ARID3A: variants seen among roughly 807,000 people sequenced by gnomAD.
ARID3A encodes AT-rich interaction domain 3A, also known as AT-rich interactive domain-containing protein 3A.
In ARID3A, 11 loss-of-function variants were observed where a neutral mutation model predicts 52.7. That is an observed-to-expected ratio of 0.21 (90% confidence interval 0.13 to 0.35). The LOEUF (loss-of-function observed/expected upper bound fraction) is 0.35. ARID3A is among the 10% of genes least tolerant of loss of function. The pLI, the probability that ARID3A is intolerant of heterozygous loss-of-function variation, is 1.00. For missense variants in ARID3A, 721 were observed against 838.5 expected, an observed-to-expected ratio of 0.86 and a Z score of 1.73; for synonymous variants, 404 against 359.4, an observed-to-expected ratio of 1.12 and a Z score of -1.40.
rs553313175 is a variant in ARID3A at position 947,318 on chromosome 19, G to C, written c.694-12774G>C. ...GGGACTGCGGGCCCCAGATTTCCAC[G>C]TCATATCTCGCCGCCATGGGGCTGC... On this transcript the variant is annotated intron_variant, in intron 3 of 8. Transcript: ENST00000263620. This position sits in a 1 kb window ranked among gnomAD's most constrained non-coding sequence, Gnocchi z 6.3. 6.6e-6 allele frequency among the ~76,000 whole-genome samples: 1 copy of C among 152,132 alleles called. No homozygotes were observed. Among genetic ancestry groups the C allele is most frequent in the Non-Finnish European group, 1.5e-5 (1 of 68,022 alleles).
chr19:962,145 C>T (rs950804396), intron 4 of ARID3A, among the ~76,000 whole-genome samples: 13 of 152,194 alleles, frequency 8.5e-5, no homozygotes, highest in African/African-American at 3.1e-4. Flanking sequence ...AATGGGGGCC[C>T]TTGGAGCTGA....
At chr19:926,761 C>G (rs2037208631) in intron 1 of ARID3A, among the ~76,000 whole-genome samples, 2 of 151,682 alleles carry the variant, frequency 1.3e-5, no homozygotes. Context: ...CAGGGCCCCC[C>G]AGACACAAAA....
intron 8 of ARID3A, among the ~76,000 whole-genome samples, chr19:970,841 C>T (rs1390246034): frequency 6.6e-6 from 1 of 152,076 alleles, no homozygotes; most frequent in African/African-American, 2.4e-5. Context: ...GTGGCGCTGT[C>T]GACACAGAGC....
chr19:963,179 C>G (rs2038079177), intron 4 of ARID3A, among the ~76,000 whole-genome samples: 1 of 152,206 alleles, frequency 6.6e-6, no homozygotes, highest in African/African-American at 2.4e-5. Context: ...AGTCACATCC[C>G]AGAACCTCGA....
intron 3 of ARID3A, among the ~76,000 whole-genome samples, chr19:933,487 G>T (rs350150): frequency 6.6e-6 from 1 of 152,034 alleles, no homozygotes; most frequent in Non-Finnish European, 1.5e-5. Flanking sequence ...GCTCTGCCTC[G>T]ACCTCTGGGC....
chr19:943,503 G>A (rs1301316953), intron 3 of ARID3A, among the ~76,000 whole-genome samples: 1 of 152,096 alleles, frequency 6.6e-6, no homozygotes, highest in Admixed American at 6.5e-5. Context: ...AGGAGGCGGA[G>A]GCTGCAGTGA....
chr19:935,552 A>C (rs2037421552), intron 3 of ARID3A, among the ~76,000 whole-genome samples: 1 of 152,048 alleles, frequency 6.6e-6, no homozygotes, highest in South Asian at 2.1e-4. Context: ...GTCCTAACTC[A>C]CTGCAGCCTC....
intron 3 of ARID3A, among the ~76,000 whole-genome samples, chr19:946,284 CAG>C (rs35912645): frequency 0.035 from 5,247 of 151,994 alleles, 166 homozygotes; most frequent in East Asian, 0.18. Flanking sequence ...ATTTATGAGA[CAG>C]AGTCTTGCTT....
chr19:962,929 G>A (rs1164484752), intron 4 of ARID3A, among the ~76,000 whole-genome samples: 6 of 152,198 alleles, frequency 3.9e-5, no homozygotes, highest in African/African-American at 4.8e-5. Context: ...AACCCGGCGC[G>A]GCTCCTCTCG....
intron 3 of ARID3A, among the ~76,000 whole-genome samples, chr19:955,962 C>G (rs984188983): frequency 6.6e-6 from 1 of 152,154 alleles, no homozygotes; most frequent in African/African-American, 2.4e-5. Flanking sequence ...GCAGGAGGAG[C>G]CTTCCGCCTC....
rs201095108 is a variant in ARID3A at position 933,744 on chromosome 19, T to C, written c.693+1002T>C. On this transcript the variant is annotated intron_variant, in intron 3 of 8. Coordinates refer to ENST00000263620, the MANE Select transcript of ARID3A (RefSeq NM_005224.3). ...GGGGCGGCCCTAACCCCAGCAGCCC[T>C]CAAGAGACTTAAGGTTGGGCTGCCT... is the stretch of plus-strand genomic sequence containing the variant. Among the ~76,000 whole-genome samples, 14 of 150,258 alleles carry C rather than the reference T, an allele frequency of 9.3e-5. No homozygotes were observed. The East Asian group carries it at 2.6e-3, about 28-fold the overall frequency.
chr19:961,327 CTGGCCCACA>C (rs2038036485), intron 4 of ARID3A, among the ~76,000 whole-genome samples: 1 of 152,130 alleles, frequency 6.6e-6, no homozygotes, highest in Admixed American at 6.5e-5. Context: ...TGTGGGCCCC[CTGGCCCACA>C]CTGCCCAGCG....
At chr19:946,481 C>A (rs2037684133) in intron 3 of ARID3A, among the ~76,000 whole-genome samples, 1 of 140,172 alleles carries the variant, frequency 7.1e-6, no homozygotes. Context: ...CTCACTGTCT[C>A]CCAGGCTAGA....
chr19:933,296 C>T (rs985999052), intron 3 of ARID3A, among the ~76,000 whole-genome samples: 7 of 152,246 alleles, frequency 4.6e-5, no homozygotes, highest in African/African-American at 1.4e-4. Context: ...CTGGGGCCGG[C>T]AGGGGGTCTC....
At position 937,495 on chromosome 19, in the gene ARID3A, T is replaced by C. The variant is rs116049080; in HGVS notation, c.693+4753T>C. On this transcript the variant is annotated intron_variant, in intron 3 of 8. Transcript: ENST00000263620. ...CTGTTTCTGCCTTTTGGGTTTGTAG[T>C]GCTGTACACGTTTTTATGTGGGCGT... Among the ~76,000 whole-genome samples the C allele has an allele frequency of 5.1e-3, 778 of 152,232 alleles. 8 individuals are homozygous for C. The highest frequency in any genetic ancestry group is 0.018 in the African/African-American group (751 of 41,528).
rs1459695036 is a variant in ARID3A at position 973,240 on chromosome 19, G to A, written c.*1175G>A. 1.1e-5 allele frequency: 2 copies of A among 174,432 alleles called. No individual in the cohort carries two copies. The highest frequency in any genetic ancestry group is 6.4e-5 in the Admixed American group (1 of 15,616). 10.8% of individuals were successfully genotyped at this position (174,432 alleles called of 1,614,324 possible). ...CGATTCTCCTGCCTCAGCCTCCGGA[G>A]TAGCTGGGATTACAGGCGCCCGCCA... On this transcript the variant is annotated 3_prime_UTR_variant, in exon 9 of 9. Coordinates refer to ENST00000263620, the MANE Select transcript of ARID3A (RefSeq NM_005224.3).
chr19:970,492 G>A (rs2038253349), intron 8 of ARID3A, among the ~76,000 whole-genome samples: 1 of 124,176 alleles, frequency 8.1e-6, no homozygotes, highest in South Asian at 2.7e-4. Flanking sequence ...TAAATGAATA[G>A]TTTTTCTTTT....
In ARID3A at chr19:964,750, A is replaced by C; in HGVS notation, c.951-83A>C. The C allele has an allele frequency of 2.0e-6, 3 of 1,525,046 alleles. No individual in the cohort carries two copies. Among genetic ancestry groups the C allele is most frequent in the Non-Finnish European group, 2.6e-6 (3 of 1,132,122 alleles). 94.5% of individuals were successfully genotyped at this position (1,525,046 alleles called of 1,614,324 possible). A position where few individuals can be genotyped will look rare whatever the true frequency, so the allele number is the denominator to read the frequency against. On this transcript the variant is annotated intron_variant, in intron 5 of 8. Transcript: ENST00000263620. This position sits in a 1 kb window ranked among gnomAD's most constrained non-coding sequence, Gnocchi z 5.7. ...GAAGAACCAGGGATGGTGGTGCCAC[A>C]GTGGGGTTTACTTTGTACTGAAGGC...
chr19:932,893 C>T (rs1489249507), intron 3 of ARID3A, 151 bp downstream of exon 3: 21 of 1,459,308 alleles, frequency 1.4e-5, no homozygotes, highest in Non-Finnish European at 2.7e-6. Flanking sequence ...CTGTGCTTCC[C>T]TCCTGGGCGT....
Sources: allele counts gnomAD v4.1 joint callset (sites outside exome capture counted in the v4.1 genomes callset), GRCh38; gene constraint gnomAD v4.1.1; non-coding constraint Gnocchi (gnomAD v3.1); transcripts MANE v1.5; gene names NCBI Gene and HGNC (gene_info 2026-07-23, HGNC 2026-07-21).